ZFAND4: variants seen among roughly 807,000 people sequenced by gnomAD.
ZFAND4 encodes the protein zinc finger AN1-type containing 4, also known as AN1-type zinc finger protein 4.
A neutral mutation model predicts 64.4 loss-of-function variants in ZFAND4; 43 were observed. The ratio of observed to expected loss-of-function variants is 0.67; its 90% confidence interval spans 0.52 to 0.86. The LOEUF is 0.86. Ranked by LOEUF, ZFAND4 falls within the 40% of genes least tolerant of loss-of-function variation. The pLI, the probability that ZFAND4 is intolerant of heterozygous loss-of-function variation, is 0.00. For synonymous variants in ZFAND4, 296 were observed against 305.7 expected (o/e 0.97, Z 0.33); for missense variants, 929 against 859.8 (o/e 1.08, Z -1.01).
At chr10:45,633,642 A>G (rs1332881444) in intron 6 of ZFAND4, among the ~76,000 whole-genome samples, 1 of 151,804 alleles carries the variant, frequency 6.6e-6, no homozygotes, top group African/African-American at 2.4e-5. Context: ...TAAAATTGCA[A>G]ATTTTCTTTA....
chr10:45,636,826 T>A (rs180804085), intron 6 of ZFAND4, among the ~76,000 whole-genome samples: 3 of 152,308 alleles, frequency 2.0e-5, no homozygotes, highest in East Asian at 3.9e-4. Context: ...TGATTTTCTA[T>A]CTGTTCCATC....
chr10:45,655,086 T>C (rs561172634), intron 2 of ZFAND4, among the ~76,000 whole-genome samples: 12 of 152,186 alleles, frequency 7.9e-5, no homozygotes, highest in East Asian at 3.9e-4. Context: ...TTCTCCAAGA[T>C]AGATCATATG....
intron 5 of ZFAND4, among the ~76,000 whole-genome samples, chr10:45,645,986 A>T (rs2047352332): frequency 6.6e-6 from 1 of 152,130 alleles, no homozygotes; most frequent in Non-Finnish European, 1.5e-5. Context: ...ATCTGTGTGA[A>T]AAAAAAATTT....
intron 4 of ZFAND4, chr10:45,648,924 G>C: frequency 1.0e-6 from 1 of 982,538 alleles, no homozygotes; most frequent in Non-Finnish European, 1.2e-6. Flanking sequence ...TCAAATATTG[G>C]TTCCAACAAT....
intron 1 of ZFAND4, among the ~76,000 whole-genome samples, chr10:45,666,841 C>T (rs1389529018): frequency 6.6e-6 from 1 of 152,138 alleles, no homozygotes; most frequent in Non-Finnish European, 1.5e-5. Flanking sequence ...GGTTTATTTC[C>T]AGACTCTTTA....
At chr10:45,632,934 C>A (rs920798359) in intron 6 of ZFAND4, among the ~76,000 whole-genome samples, 21 of 151,922 alleles carry the variant, frequency 1.4e-4, no homozygotes, top group African/African-American at 5.1e-4. Context: ...AAAAGGTATA[C>A]CAAGCAAATG....
At chr10:45,656,924 A>G (rs2048161993) in intron 2 of ZFAND4, among the ~76,000 whole-genome samples, 1 of 152,070 alleles carries the variant, frequency 6.6e-6, no homozygotes, top group South Asian at 2.1e-4. Flanking sequence ...TGGATTAGTA[A>G]TCTTGGACTT....
chr10:45,619,280 A>G (rs1488836942), intron 8 of ZFAND4, among the ~76,000 whole-genome samples: 1 of 151,620 alleles, frequency 6.6e-6, no homozygotes, highest in African/African-American at 2.4e-5. Context: ...TCCTGACCTC[A>G]TGATCCGCCC....
intron 4 of ZFAND4, chr10:45,649,603 T>C (rs981436299): frequency 6.6e-6 from 1 of 152,220 alleles, no homozygotes; most frequent in Non-Finnish European, 1.5e-5. Flanking sequence ...AATAACACTA[T>C]TACTAACATA....
intron 6 of ZFAND4, among the ~76,000 whole-genome samples, chr10:45,632,705 C>G (rs1447010468): frequency 6.6e-6 from 1 of 152,028 alleles, no homozygotes; most frequent in Non-Finnish European, 1.5e-5. Flanking sequence ...TTCATATATA[C>G]AGATACACAC....
chr10:45,653,068 A>C lies in ZFAND4; in HGVS notation c.185-9T>G. The C allele has an allele frequency of 1.9e-6, 3 of 1,593,772 alleles. No individual in the cohort carries two copies. Among genetic ancestry groups the C allele is most frequent in the Non-Finnish European group, 2.6e-6 (3 of 1,165,800 alleles). ...TCGACAGATGGGAATACCTTAAGGG[A>C]AAGTTATTAAAAAAAAGTGTTAAAG... is the stretch of plus-strand genomic sequence containing the variant. On this transcript the variant is annotated splice_polypyrimidine_tract_variant and intron_variant, in intron 2 of 9. Coordinates refer to ENST00000344646, the MANE Select transcript of ZFAND4 (RefSeq NM_174890.4).
Position 45,637,750 on chromosome 10 carries a change from A to AAAAACAAAAC in ZFAND4, c.717+2056_717+2065dup, listed in dbSNP as rs201979331. ...GGGCAACAGGGCGAGACTCTGTCTC[A>AAAAACAAAAC]AAAACAAAACAAAACAAAACAAAAC... On this transcript the variant is annotated intron_variant, in intron 6 of 9. Coordinates refer to ENST00000344646, the MANE Select transcript of ZFAND4 (RefSeq NM_174890.4). Among the ~76,000 whole-genome samples, 218 of 151,606 alleles carry AAAAACAAAAC rather than the reference A, an allele frequency of 1.4e-3. 1 individual carries two copies. The highest frequency in any genetic ancestry group is 4.4e-3 in the African/African-American group (179 of 41,094).
chr10:45,628,459 C>A (rs895421898), intron 6 of ZFAND4, among the ~76,000 whole-genome samples: 2 of 152,300 alleles, frequency 1.3e-5, no homozygotes, highest in Admixed American at 1.3e-4. Context: ...TGGGCACCCG[C>A]CACCATGTCC....
chr10:45,646,395 T>C (rs1054522622), intron 5 of ZFAND4, among the ~76,000 whole-genome samples: 1 of 152,194 alleles, frequency 6.6e-6, no homozygotes, highest in Non-Finnish European at 1.5e-5. Context: ...ATGTTCTTCA[T>C]GGTATGATCA....
Position 45,626,335 on chromosome 10 carries a change from A to G in ZFAND4, c.1488T>C (p.Cys496=). Residue 496 remains cysteine, a synonymous_variant, in exon 7 of 10, where the codon TGT becomes TGC. Transcript: ENST00000344646. Reference sequence around the variant, plus strand: ...AAGGCTGTAGCTTCCCAAACTCAAAACATTTGGACTGTCTCTCTGGTTTCA... The same window carrying G: ...AAGGCTGTAGCTTCCCAAACTCAAAGCATTTGGACTGTCTCTCTGGTTTCA... ...SLVKPERQSK[C]FEFGKLQPSS... 6.2e-7 allele frequency: 1 copy of G among 1,614,164 alleles called. No homozygotes were observed. Among genetic ancestry groups the G allele is most frequent in the Non-Finnish European group, 8.5e-7 (1 of 1,180,034 alleles).
At chr10:45,671,928 A>G (rs1278008358) in intron 1 of ZFAND4, among the ~76,000 whole-genome samples, 1 of 152,216 alleles carries the variant, frequency 6.6e-6, no homozygotes, top group Non-Finnish European at 1.5e-5. Context: ...TAAACAGGCA[A>G]TAGCGCTGAA....
intron 1 of ZFAND4, among the ~76,000 whole-genome samples, chr10:45,667,369 C>T (rs996627457): frequency 6.6e-6 from 1 of 151,618 alleles, no homozygotes; most frequent in Non-Finnish European, 1.5e-5. Context: ...TCTTCCTAAA[C>T]GCTCTCTATA....
intron 5 of ZFAND4, chr10:45,640,402 T>C: frequency 8.1e-7 from 1 of 1,238,772 alleles, no homozygotes; most frequent in Non-Finnish European, 1.0e-6. Flanking sequence ...AGATTTTTAG[T>C]CATCCTGAGG....
chr10:45,671,210 G>C (rs1240926382), intron 1 of ZFAND4, among the ~76,000 whole-genome samples: 4 of 152,194 alleles, frequency 2.6e-5, no homozygotes, highest in African/African-American at 9.7e-5. Flanking sequence ...GTAGAAATAG[G>C]AACACTTTTA....
Sources: allele counts gnomAD v4.1 joint callset (sites outside exome capture counted in the v4.1 genomes callset), GRCh38; gene constraint gnomAD v4.1.1; transcripts MANE v1.5; gene names NCBI Gene and HGNC (gene_info 2026-07-23, HGNC 2026-07-21).